Variants in ADAMTSL5 observed in about 807,000 individuals in gnomAD.
ADAMTSL5 encodes the protein ADAMTS like 5.
ADAMTSL5 carries 53 observed loss-of-function variants against 51.7 expected under a neutral mutation model. The observed-to-expected ratio is 1.03, with a 90% CI of 0.82 to 1.29. The LOEUF (loss-of-function observed/expected upper bound fraction) is 1.29. Ranked by LOEUF, ADAMTSL5 falls within the 50% of genes most tolerant of loss-of-function variation. The pLI, the probability that ADAMTSL5 is intolerant of heterozygous loss-of-function variation, is 0.00. For missense variants in ADAMTSL5, 770 were observed against 676.2 expected (o/e 1.14, Z -1.54); for synonymous variants, 285 against 278.7 (o/e 1.02, Z -0.23).
rs530113236 is a variant in ADAMTSL5, at chr19:1,510,610, G to A, written c.191+29C>T. Reference sequence around the variant, plus strand: ...CGGGCTGGGCCGGCGGGGGAGGAGGGGCAGGGACCCCCTCCGGGCCCCGCT... The same window carrying A: ...CGGGCTGGGCCGGCGGGGGAGGAGGAGCAGGGACCCCCTCCGGGCCCCGCT... On this transcript the variant is annotated intron_variant, in intron 3 of 11. Transcript: ENST00000330475. 3.3e-5 allele frequency: 50 copies of A among 1,513,972 alleles called. No homozygotes were observed. In the South Asian group the frequency reaches 6.0e-4, roughly 18 times the overall value. The allele number at this position is 1,513,972 out of a possible 1,614,324, so 93.8% of individuals were successfully genotyped here.
intron 7 of ADAMTSL5, 78 bp downstream of exon 7, chr19:1,507,920 G>A (rs538915584): frequency 2.1e-6 from 3 of 1,463,060 alleles, no homozygotes; most frequent in East Asian, 2.5e-5. Context: ...CAATCAGCAC[G>A]GAAATTTGCT....
intron 5 of ADAMTSL5, 22 bp downstream of exon 5, chr19:1,510,128 C>T: frequency 6.3e-7 from 1 of 1,581,576 alleles, no homozygotes; most frequent in South Asian, 1.1e-5. Flanking sequence ...CAATTCTGAC[C>T]ACAGGAGACC....
At position 1,507,641 on chromosome 19, in the gene ADAMTSL5, C is replaced by CACCT. The variant is rs1913018651; in HGVS notation, c.602-2_603dup (p.Ala202ArgfsTer41). The CACCT allele has an allele frequency of 6.2e-7, 1 of 1,613,340 alleles. No homozygotes were observed. The highest frequency in any genetic ancestry group is 1.7e-5 in the Admixed American group (1 of 59,990). ...GTCACGTTCCAGTACCCAGCGAAGG[C>CACCT]ACCTGGGTGGGAGGGTAGGAGGGTG... On this transcript the variant is annotated frameshift_variant and splice_region_variant, in exon 8 of 12. Transcript: ENST00000330475. LOFTEE classifies it high-confidence loss of function.
chr19:1,505,325 A>C lies in ADAMTSL5; in HGVS notation c.*690T>G, dbSNP rs186761601. 1.2e-4 allele frequency: 18 copies of C among 151,170 alleles called. No individual in the cohort carries two copies. The highest frequency in any genetic ancestry group is 3.2e-4 in the African/African-American group (13 of 41,050). 9.4% of individuals were successfully genotyped at this position (151,170 alleles called of 1,614,324 possible). A position where few individuals can be genotyped will look rare whatever the true frequency, so the allele number is the denominator to read the frequency against. On this transcript the variant is annotated 3_prime_UTR_variant, in exon 12 of 12. Coordinates refer to ENST00000330475, the MANE Select transcript of ADAMTSL5 (RefSeq NM_213604.3). ...TGAGGCTGCAGTGAGCCATGATTGCACCACCGCACTTCAGCCTAGGTGACA... is the reference window on the plus strand; with the variant it reads ...TGAGGCTGCAGTGAGCCATGATTGCCCCACCGCACTTCAGCCTAGGTGACA...
intron 3 of ADAMTSL5, 35 bp from the exon 4 acceptor site, chr19:1,510,463 G>T (rs1408973920): frequency 6.3e-7 from 1 of 1,579,168 alleles, no homozygotes. Context: ...GAACCCCCAG[G>T]GACCCCCTCC....
chr19:1,511,683 G>C (rs529439477), intron 1 of ADAMTSL5: 17 of 857,464 alleles, frequency 2.0e-5, no homozygotes, highest in South Asian at 1.9e-4. Flanking sequence ...TTCCCCATCT[G>C]TGCAGTGGGG....
intron 7 of ADAMTSL5, 97 bp downstream of exon 7, chr19:1,507,901 C>T: frequency 1.5e-6 from 2 of 1,321,622 alleles, no homozygotes; most frequent in South Asian, 1.4e-5. Flanking sequence ...GGCTGGGCCG[C>T]ACACTGGCCA....
At chr19:1,507,508 C>T (rs371781712) in intron 8 of ADAMTSL5, 49 bp downstream of exon 8, 9 of 1,612,156 alleles carry the variant, frequency 5.6e-6, no homozygotes, top group African/African-American at 5.3e-5. Context: ...CAGGGACAAC[C>T]GCCCCCGGGT....
chr19:1,510,673 G>A lies in ADAMTSL5; in HGVS notation c.157C>T (p.Arg53Cys), dbSNP rs1028304898. The change falls in exon 3 of 12, where the codon CGT (arginine) becomes TGT (cysteine). Residue 53 changes from arginine (R) to cysteine (C), a missense_variant. Physicochemically the swap from Arg to Cys is radical, Grantham distance 180. Transcript: ENST00000330475. ...SWTRCSSSCG[R>C]GVSVRSRRCL... Reference sequence around the variant, plus strand: ...CGCCGGCTGCGCACAGAGACGCCACGCCCGCAGGAGCTGGAGCAGCGGGTC... The same window carrying A: ...CGCCGGCTGCGCACAGAGACGCCACACCCGCAGGAGCTGGAGCAGCGGGTC... 2.5e-5 allele frequency: 39 copies of A among 1,542,082 alleles called. No individual in the cohort carries two copies. The highest frequency in any genetic ancestry group is 1.5e-4 in the African/African-American group (11 of 72,378).
At position 1,506,231 on chromosome 19, in the gene ADAMTSL5, G is replaced by A; in HGVS notation, c.1200C>T (p.Arg400=). ...CGTACTCGCGTGCCCGCAGTGGCGA[G>A]CGGTTCTTGTAGACGAGCTGGATGC... The part of the protein sequence containing the change: ...EVRIQLVYKN[R]SPLRAREYVW... The change falls in exon 12 of 12, where the codon CGC becomes CGT. Residue 400 remains arginine (R), a synonymous_variant. Coordinates refer to ENST00000330475, the MANE Select transcript of ADAMTSL5 (RefSeq NM_213604.3). The surrounding 1 kb of genome is among the most constrained non-coding windows in gnomAD (Gnocchi z 5.6). 1.3e-6 allele frequency: 2 copies of A among 1,595,892 alleles called. No homozygotes were observed. Among genetic ancestry groups the A allele is most frequent in the Non-Finnish European group, 1.7e-6 (2 of 1,169,612 alleles).
At chr19:1,509,622 A>AAGGAAGGG (rs764632779) in intron 5 of ADAMTSL5, among the ~76,000 whole-genome samples, 13,958 of 119,908 alleles carry the variant, frequency 0.12, 990 homozygotes, top group East Asian at 0.31. Context: ...GGAAGGAAGG[A>AAGGAAGGG]AGGGAGGGAG....
chr19:1,508,508 G>T lies in ADAMTSL5; in HGVS notation c.424C>A (p.Arg142Ser). The change falls in exon 6 of 12, where the codon CGC becomes AGC. Residue 142 changes from arginine to serine, a missense_variant. Physicochemically the swap from Arg to Ser is moderately radical, Grantham distance 110. Coordinates refer to ENST00000330475, the MANE Select transcript of ADAMTSL5 (RefSeq NM_213604.3). The stretch of plus-strand genomic sequence containing the variant: ...CTGCAGGCGGTGCCGTCCAGGACGC[G>T]GCCGAAGCTGTGGTAGAAGGCGTGC... ...EGHAFYHSFG[R>S]VLDGTACSPG... The T allele has an allele frequency of 6.3e-7, 1 of 1,586,838 alleles. No individual in the cohort carries two copies. The highest frequency in any genetic ancestry group is 8.5e-7 in the Non-Finnish European group (1 of 1,173,528).
At chr19:1,510,779 G>A in intron 2 of ADAMTSL5, 49 bp from the exon 3 acceptor site, 1 of 1,525,584 alleles carries the variant, frequency 6.6e-7, no homozygotes, top group Non-Finnish European at 8.8e-7. Context: ...GGACGCTGGT[G>A]ACCCCACACT....
In ADAMTSL5 at chr19:1,507,617, T is replaced by C. The variant is rs780992874; in HGVS notation, c.628A>G (p.Thr210Ala). 8 of 1,613,136 alleles carry C rather than the reference T, an allele frequency of 5.0e-6. No homozygotes were observed. The South Asian group carries it at 6.6e-5, about 13-fold the overall frequency. ...TGTCTGGCGCCCTCGGGGATCAGGG[T>C]CACGTTCCAGTACCCAGCGAAGGCA... ...AGAFAGYWNV[T>A]LIPEGARHIR... Residue 210 changes from threonine (T) to alanine (A), a missense_variant, in exon 8 of 12, where the codon ACC (threonine) becomes GCC (alanine). Physicochemically the swap from Thr to Ala is moderately conservative, Grantham distance 58 (BLOSUM62 0). Coordinates refer to ENST00000330475, the MANE Select transcript of ADAMTSL5 (RefSeq NM_213604.3).
chr19:1,510,833 G>GC lies in ADAMTSL5; in HGVS notation c.99+11dup, dbSNP rs773039861. 2.7e-5 allele frequency: 42 copies of GC among 1,531,464 alleles called. No individual in the cohort carries two copies. The highest frequency in any genetic ancestry group is 6.4e-5 in the South Asian group (5 of 78,342). The allele number at this position is 1,531,464 out of a possible 1,614,324, so 94.9% of individuals were successfully genotyped here. On this transcript the variant is annotated intron_variant, in intron 2 of 11. Coordinates refer to ENST00000330475, the MANE Select transcript of ADAMTSL5 (RefSeq NM_213604.3). ...CCCACTCGCCACCCCCTGGGCTCATGCCCCCCCTTACCTGAGCACTGACCC... is the reference window on the plus strand; with the variant it reads ...CCCACTCGCCACCCCCTGGGCTCATGCCCCCCCCTTACCTGAGCACTGACCC...
intron 6 of ADAMTSL5, 160 bp from the exon 7 acceptor site, chr19:1,508,269 C>T (rs1313561828): frequency 4.9e-6 from 3 of 607,150 alleles, no homozygotes; most frequent in Non-Finnish European, 3.9e-6. Flanking sequence ...GCTTGGCGCC[C>T]GGGAGTGGGT....
chr19:1,507,066 A>T (rs985627390), intron 9 of ADAMTSL5, 138 bp from the exon 10 acceptor site: 1 of 1,255,216 alleles, frequency 8.0e-7, no homozygotes, highest in Non-Finnish European at 1.1e-6. Flanking sequence ...TCCCTAGCTG[A>T]TCCCCTCTGA....
Position 1,506,950 on chromosome 19 carries a change from A to G in ADAMTSL5, c.853-22T>C, listed in dbSNP as rs1177077820. The G allele has an allele frequency of 2.0e-6, 3 of 1,536,292 alleles. No individual in the cohort carries two copies. The East Asian group carries it at 7.3e-5, about 38-fold the overall frequency. ...GGACCTGGAGCAGGGGAGGGGACAC[A>G]GGGAGCTTCACAGGAGGCTGGGGTT... On this transcript the variant is annotated intron_variant, in intron 9 of 11. Coordinates refer to ENST00000330475, the MANE Select transcript of ADAMTSL5 (RefSeq NM_213604.3). The surrounding 1 kb of genome is among the most constrained non-coding windows in gnomAD (Gnocchi z 5.6).
Position 1,508,490 on chromosome 19 carries a change from C to T in ADAMTSL5, c.442G>A (p.Ala148Thr). 1.3e-6 allele frequency: 2 copies of T among 1,586,110 alleles called. No individual in the cohort carries two copies. Among genetic ancestry groups the T allele is most frequent in the East Asian group, 2.3e-5 (1 of 44,134 alleles). Residue 148 changes from alanine (A) to threonine (T), a missense_variant, in exon 6 of 12, where the codon GCC (alanine) becomes ACC (threonine). Physicochemically the swap from Ala to Thr is moderately conservative, Grantham distance 58. Transcript: ENST00000330475. ...ACCCCCTGGGCACCCGGGCTGCAGGCGGTGCCGTCCAGGACGCGGCCGAAG... is the reference window on the plus strand; with the variant it reads ...ACCCCCTGGGCACCCGGGCTGCAGGTGGTGCCGTCCAGGACGCGGCCGAAG... ...HSFGRVLDGTACSPGAQGVCV... is the reference protein window; with the variant it reads ...HSFGRVLDGTTCSPGAQGVCV...
Sources: gnomAD v4.1 joint callset for allele counts (sites outside exome capture counted in the v4.1 genomes callset) on GRCh38, gnomAD v4.1.1 for gene constraint, Gnocchi (gnomAD v3.1) non-coding constraint, MANE v1.5 for transcripts, NCBI Gene and HGNC (gene_info 2026-07-23, HGNC 2026-07-21) for gene names.